RUFY2: variants seen among roughly 807,000 people sequenced by gnomAD.
RUFY2 encodes the protein RUN and FYVE domain-containing protein 2.
In RUFY2, 49 loss-of-function variants were observed where a neutral mutation model predicts 94.4. The observed-to-expected ratio is 0.52, with a 90% CI of 0.41 to 0.66. RUFY2 has a LOEUF of 0.66. Among genes scored for constraint, RUFY2 ranks in the 30% least tolerant of loss-of-function variants. The pLI is 0.00. For missense variants in RUFY2, 541 were observed against 692.8 expected (o/e 0.78, Z 2.46); for synonymous variants, 255 against 235.7 (o/e 1.08, Z -0.75).
chr10:68,405,175 T>C (rs867458516), intron 1 of RUFY2, among the ~76,000 whole-genome samples: 3 of 151,824 alleles, frequency 2.0e-5, no homozygotes, highest in African/African-American at 7.3e-5. Context: ...TAGCTGGGCA[T>C]GGTGGTGCGC....
intron 13 of RUFY2, among the ~76,000 whole-genome samples, chr10:68,375,325 G>GC (rs2048556460): frequency 7.5e-6 from 1 of 132,836 alleles, no homozygotes; most frequent in African/African-American, 2.7e-5. Context: ...GGGGAGGATG[G>GC]GGGGAGGGAA....
intron 3 of RUFY2, among the ~76,000 whole-genome samples, chr10:68,399,542 A>G (rs182264648): frequency 6.6e-6 from 1 of 152,244 alleles, no homozygotes; most frequent in African/African-American, 2.4e-5. Flanking sequence ...AACAGTAGCC[A>G]CTTACTTTTA....
intron 13 of RUFY2, among the ~76,000 whole-genome samples, chr10:68,375,631 T>A (rs1196058907): frequency 6.6e-6 from 1 of 151,108 alleles, no homozygotes; most frequent in African/African-American, 2.4e-5. Context: ...AAAAAATTAG[T>A]TGGGTGTGGT....
chr10:68,370,594 C>T (rs1378301774), intron 13 of RUFY2, among the ~76,000 whole-genome samples: 2 of 151,494 alleles, frequency 1.3e-5, no homozygotes, highest in Admixed American at 1.3e-4. Context: ...TCACAGTGAG[C>T]CAGGTAGGGC....
In RUFY2 at chr10:68,381,286, T is replaced by C; in HGVS notation, c.1053A>G (p.Arg351=). 6.2e-7 allele frequency: 1 copy of C among 1,614,018 alleles called. No homozygotes were observed. Among genetic ancestry groups the C allele is most frequent in the Non-Finnish European group, 8.5e-7 (1 of 1,179,964 alleles). The change falls in exon 11 of 18, where the codon CGA becomes CGG. Residue 351 remains arginine, a synonymous_variant. Coordinates refer to ENST00000602465, the MANE Select transcript of RUFY2 (RefSeq NM_001330103.2). ...HEKQDTLIGL[R]QQLEEVKAIN... ...TTGCTTTAACTTCCTCTAGTTGTTGTCGAAGGCCTATCAGAGTATCTTGTT... is the reference window on the plus strand; with the variant it reads ...TTGCTTTAACTTCCTCTAGTTGTTGCCGAAGGCCTATCAGAGTATCTTGTT...
chr10:68,341,824 G>A, downstream of RUFY2: 1 of 1,610,440 alleles, frequency 6.2e-7, no homozygotes, highest in Non-Finnish European at 8.5e-7. Context: ...TGGAGGATAT[G>A]GTACTCCTGA....
At chr10:68,392,857 G>A (rs542989369) in intron 7 of RUFY2, among the ~76,000 whole-genome samples, 2 of 151,182 alleles carry the variant, frequency 1.3e-5, no homozygotes, top group African/African-American at 4.9e-5. Flanking sequence ...GAACCTGGGA[G>A]GCGGAGGTTG....
chr10:68,349,265 C>T (rs1249401471), intron 16 of RUFY2, among the ~76,000 whole-genome samples: 1 of 152,100 alleles, frequency 6.6e-6, no homozygotes, highest in Non-Finnish European at 1.5e-5. Flanking sequence ...CCTGTAATCC[C>T]ACCACTTTGG....
intron 15 of RUFY2, among the ~76,000 whole-genome samples, chr10:68,358,171 G>C (rs1404403995): frequency 6.6e-6 from 1 of 152,124 alleles, no homozygotes; most frequent in African/African-American, 2.4e-5. Flanking sequence ...TTGAGCAACA[G>C]AGCGAGACTC....
chr10:68,401,050 T>G (rs576899626), intron 3 of RUFY2, among the ~76,000 whole-genome samples: 1 of 152,308 alleles, frequency 6.6e-6, no homozygotes, highest in East Asian at 1.9e-4. Flanking sequence ...TCTTAACACT[T>G]TACACCTACA....
intron 15 of RUFY2, among the ~76,000 whole-genome samples, chr10:68,356,405 G>A (rs1007405336): frequency 2.0e-5 from 3 of 151,792 alleles, no homozygotes; most frequent in Admixed American, 6.6e-5. Flanking sequence ...ACTCGGGAAG[G>A]TGAGGCAGGA....
At chr10:68,386,649 C>T (rs1340425891) in intron 7 of RUFY2, among the ~76,000 whole-genome samples, 1 of 152,054 alleles carries the variant, frequency 6.6e-6, no homozygotes, top group East Asian at 1.9e-4. Context: ...ACCCGGCCTA[C>T]TCATTTTTTT....
chr10:68,400,732 G>A (rs1397908989), intron 3 of RUFY2, among the ~76,000 whole-genome samples: 1 of 150,880 alleles, frequency 6.6e-6, no homozygotes, highest in African/African-American at 2.4e-5. Context: ...AAGAATATAG[G>A]CTTGGCGCGG....
At chr10:68,350,717 T>C (rs2046602697) in intron 16 of RUFY2, among the ~76,000 whole-genome samples, 1 of 149,080 alleles carries the variant, frequency 6.7e-6, no homozygotes, top group Non-Finnish European at 1.5e-5. Flanking sequence ...TTTTTGTTTT[T>C]GGTTTTTTTT....
chr10:68,341,482 CTTTG>C (rs1194092121), downstream of RUFY2: 62 of 1,016,970 alleles, frequency 6.1e-5, no homozygotes, highest in African/African-American at 4.7e-4. Flanking sequence ...AATAAGCATA[CTTTG>C]TTTAATATTA....
At chr10:68,355,094 G>A (rs2046951551) in intron 16 of RUFY2, among the ~76,000 whole-genome samples, 1 of 152,076 alleles carries the variant, frequency 6.6e-6, no homozygotes, top group Non-Finnish European at 1.5e-5. Flanking sequence ...TGACCCACCT[G>A]CCTCGGCCTC....
intron 16 of RUFY2, among the ~76,000 whole-genome samples, chr10:68,350,225 GT>G (rs1481080193): frequency 6.6e-6 from 1 of 151,908 alleles, no homozygotes; most frequent in Non-Finnish European, 1.5e-5. Flanking sequence ...GGCCAGGTTG[GT>G]CTCGAACTCC....
rs374539476 is a variant in RUFY2 at position 68,343,978 on chromosome 10, TAAA to T, written c.*1787_*1789del. ...TTAAAATTTGTTCTAAGCACAGTAA[TAAA>T]AAAGCATATTTGAAAATTTCATTTT... On this transcript the variant is annotated 3_prime_UTR_variant, in exon 18 of 18. Coordinates refer to ENST00000602465, the MANE Select transcript of RUFY2 (RefSeq NM_001330103.2). The T allele has an allele frequency of 4.6e-5, 7 of 152,256 alleles. No homozygotes were observed. The highest frequency in any genetic ancestry group is 4.1e-4 in the South Asian group (2 of 4,822). The allele number at this position is 152,256 out of a possible 1,614,324, so 9.4% of individuals were successfully genotyped here.
At chr10:68,354,273 C>T (rs2046898240) in intron 16 of RUFY2, among the ~76,000 whole-genome samples, 1 of 152,090 alleles carries the variant, frequency 6.6e-6, no homozygotes, top group South Asian at 2.1e-4. Flanking sequence ...ACCTCCCAGG[C>T]TCAAGCAATC....
Sources: allele counts gnomAD v4.1 joint callset (sites outside exome capture counted in the v4.1 genomes callset), GRCh38; gene constraint gnomAD v4.1.1; transcripts MANE v1.5; gene names NCBI Gene and HGNC (gene_info 2026-07-23, HGNC 2026-07-21).